Variants in PTPRD observed in about 807,000 individuals in gnomAD.
PTPRD encodes the protein receptor-type tyrosine-protein phosphatase delta.
In PTPRD, 34 loss-of-function variants were observed where a neutral mutation model predicts 214.5. That is an observed-to-expected ratio of 0.16 (90% CI 0.12 to 0.21). The LOEUF (loss-of-function observed/expected upper bound fraction) is 0.21, where lower values mean the gene tolerates loss of function less well. Among genes scored for constraint, PTPRD ranks in the 10% least tolerant of loss-of-function variants. The probability of loss-of-function intolerance (pLI) is 1.00; values close to 1 mark genes in which losing one functional copy is unlikely to be tolerated. For synonymous variants in PTPRD, 1,128 were observed against 845.7 expected (o/e 1.33, Z -5.79); for missense variants, 2,545 against 2,398.7 (o/e 1.06, Z -1.27).
chr9:10,099,067 T>A (rs2098524992), intron 3 of PTPRD, among the ~76,000 whole-genome samples: 1 of 151,918 alleles, frequency 6.6e-6, no homozygotes, highest in Non-Finnish European at 1.5e-5. Flanking sequence ...GGTAGCCCTG[T>A]CATAATTTCA....
chr9:9,514,026 T>C (rs143992477), intron 8 of PTPRD, among the ~76,000 whole-genome samples: 18 of 152,170 alleles, frequency 1.2e-4, no homozygotes, highest in African/African-American at 3.8e-4. Context: ...CTGGAGAGCC[T>C]TAATTCTATC....
Position 8,465,688 on chromosome 9 carries a change from A to T in PTPRD, c.3505-13T>A. ...TCTCCTTAAGCAGCTTAAGGAAAAA[A>T]GTGGGAAACAGAAAAAGAACTGTAA... is the stretch of plus-strand genomic sequence containing the variant. On this transcript the variant is annotated splice_polypyrimidine_tract_variant and intron_variant, in intron 31 of 45. Transcript: ENST00000381196. 1 of 1,588,378 alleles carries T rather than the reference A, an allele frequency of 6.3e-7. No homozygotes were observed. The highest frequency in any genetic ancestry group is 8.6e-7 in the Non-Finnish European group (1 of 1,166,564).
intron 8 of PTPRD, among the ~76,000 whole-genome samples, chr9:9,492,722 T>A (rs2095973478): frequency 6.8e-6 from 1 of 146,738 alleles, no homozygotes; most frequent in South Asian, 2.1e-4. Context: ...CTTCACAGAT[T>A]TTTTTTTTTC....
intron 5 of PTPRD, among the ~76,000 whole-genome samples, chr9:9,795,091 T>C (rs912714753): frequency 1.3e-5 from 2 of 152,188 alleles, no homozygotes; most frequent in Non-Finnish European, 2.9e-5. Context: ...CACATGATCA[T>C]ATATGGTTTA....
At chr9:9,443,007 TAAG>T (rs2088809724) in intron 8 of PTPRD, among the ~76,000 whole-genome samples, 1 of 152,154 alleles carries the variant, frequency 6.6e-6, no homozygotes, top group African/African-American at 2.4e-5. Flanking sequence ...TTCTTAGTGA[TAAG>T]TATTCTTTCT....
chr9:10,122,035 C>T (rs572505790), intron 3 of PTPRD, among the ~76,000 whole-genome samples: 7 of 152,292 alleles, frequency 4.6e-5, no homozygotes, highest in Middle Eastern at 3.4e-3. Flanking sequence ...TGGCCTGGTG[C>T]GGTGGCTCAC....
intron 8 of PTPRD, among the ~76,000 whole-genome samples, chr9:9,523,410 C>G (rs1446667744): frequency 6.6e-6 from 1 of 152,046 alleles, no homozygotes. Flanking sequence ...AGATTCATTT[C>G]ATAAACTGAA....
At chr9:10,517,264 G>T (rs1359739184) in intron 2 of PTPRD, among the ~76,000 whole-genome samples, 1 of 151,772 alleles carries the variant, frequency 6.6e-6, no homozygotes, top group Non-Finnish European at 1.5e-5. Flanking sequence ...GTATTTTTCA[G>T]TGTACAAGTT....
At chr9:9,957,080 A>G (rs1364470635) in intron 4 of PTPRD, among the ~76,000 whole-genome samples, 1 of 152,204 alleles carries the variant, frequency 6.6e-6, no homozygotes, top group Admixed American at 6.5e-5. Flanking sequence ...ACATACAACT[A>G]ATTTAAAAAT....
chr9:9,715,215 CT>C (rs1564717824), intron 7 of PTPRD, among the ~76,000 whole-genome samples: 1 of 152,174 alleles, frequency 6.6e-6, no homozygotes, highest in Non-Finnish European at 1.5e-5. Context: ...AATTATGGTA[CT>C]GCAATTTATG....
chr9:9,717,094 T>C (rs1317258586), intron 7 of PTPRD, among the ~76,000 whole-genome samples: 1 of 152,052 alleles, frequency 6.6e-6, no homozygotes, highest in Non-Finnish European at 1.5e-5. Context: ...CCAGCACCAT[T>C]TATTAAATAG....
chr9:10,197,429 A>C (rs1462034182), intron 3 of PTPRD, among the ~76,000 whole-genome samples: 1 of 152,130 alleles, frequency 6.6e-6, no homozygotes, highest in African/African-American at 2.4e-5. Flanking sequence ...TTCTCTTACA[A>C]GACATTAAAA....
chr9:9,920,233 T>C (rs1229953119), intron 5 of PTPRD, among the ~76,000 whole-genome samples: 1 of 152,134 alleles, frequency 6.6e-6, no homozygotes, highest in Non-Finnish European at 1.5e-5. Flanking sequence ...TTTGTTTACC[T>C]CAGCTTTTTG....
At chr9:8,644,083 G>A (rs1199942903) in intron 12 of PTPRD, among the ~76,000 whole-genome samples, 1 of 152,202 alleles carries the variant, frequency 6.6e-6, no homozygotes, top group African/African-American at 2.4e-5. Context: ...AAGCAAAGCA[G>A]ATGGGACAAC....
At chr9:9,321,246 G>T (rs561742554) in intron 9 of PTPRD, among the ~76,000 whole-genome samples, 1 of 152,132 alleles carries the variant, frequency 6.6e-6, no homozygotes, top group African/African-American at 2.4e-5. Context: ...TATCTCCAAA[G>T]CTCAGAATTC....
intron 35 of PTPRD, among the ~76,000 whole-genome samples, chr9:8,430,358 C>T (rs2094960700): frequency 6.6e-6 from 1 of 151,880 alleles, no homozygotes; most frequent in Admixed American, 6.6e-5. Context: ...CAGACTCAAC[C>T]CCTTGGGGGT....
intron 27 of PTPRD, among the ~76,000 whole-genome samples, chr9:8,491,068 A>G (rs1207619589): frequency 2.0e-5 from 3 of 152,250 alleles, no homozygotes; most frequent in African/African-American, 7.2e-5. Context: ...CTGCTTATGC[A>G]AAGGAAAACT....
chr9:9,162,234 C>G (rs1038735081), intron 10 of PTPRD, among the ~76,000 whole-genome samples: 2 of 152,066 alleles, frequency 1.3e-5, no homozygotes, highest in African/African-American at 2.4e-5. Flanking sequence ...CAGATTGGTG[C>G]CAATATACAT....
At chr9:10,478,848 A>C (rs1001338406) in intron 2 of PTPRD, among the ~76,000 whole-genome samples, 2 of 152,016 alleles carry the variant, frequency 1.3e-5, no homozygotes, top group African/African-American at 4.8e-5. Flanking sequence ...GAAACTGAAC[A>C]AGAAAATTCA....
Sources: gnomAD v4.1 joint callset for allele counts (sites outside exome capture counted in the v4.1 genomes callset) on GRCh38, gnomAD v4.1.1 for gene constraint, MANE v1.5 for transcripts, NCBI Gene and HGNC (gene_info 2026-07-23, HGNC 2026-07-21) for gene names.